Variants in DUSP3 observed in about 807,000 individuals in gnomAD.
DUSP3 encodes the protein dual specificity protein phosphatase 3.
Under a neutral mutation model 15.5 loss-of-function variants are expected in DUSP3, and 7 were observed. The ratio of observed to expected loss-of-function variants is 0.45; its 90% confidence interval spans 0.26 to 0.85. The LOEUF (loss-of-function observed/expected upper bound fraction) is 0.85. Among genes scored for constraint, DUSP3 ranks in the 40% least tolerant of loss-of-function variants. The pLI, the probability that DUSP3 is intolerant of heterozygous loss-of-function variation, is 0.18. For synonymous variants in DUSP3, 86 were observed against 104.2 expected (o/e 0.83, Z 1.07); for missense variants, 209 against 251.7 (o/e 0.83, Z 1.15).
At position 43,774,946 on chromosome 17, in the gene DUSP3, G is replaced by GGA; in HGVS notation, c.126-10_126-9dup. 1 of 1,614,088 alleles carries GGA rather than the reference G, an allele frequency of 6.2e-7. No homozygotes were observed. The highest frequency in any genetic ancestry group is 2.2e-5 in the East Asian group (1 of 44,882). ...ATGTCCTGAGCCACAGACCTGGACA[G>GGA]GAGACAGTGGTGGGGATGATTAACC... On this transcript the variant is annotated splice_polypyrimidine_tract_variant and intron_variant, in intron 1 of 2. Coordinates refer to ENST00000226004, the MANE Select transcript of DUSP3 (RefSeq NM_004090.4).
In DUSP3 at chr17:43,766,216, A is replaced by G. The variant is rs1004901957; in HGVS notation, c.*3393T>C. On this transcript the variant is annotated 3_prime_UTR_variant, in exon 3 of 3. Coordinates refer to ENST00000226004, the MANE Select transcript of DUSP3 (RefSeq NM_004090.4). ...GACATTAAACTTCCTTTTAAAAAGA[A>G]AAAAACAATTTGGTAGCTCTCCCTT... 3.9e-5 allele frequency: 6 copies of G among 152,590 alleles called. No individual in the cohort carries two copies. The highest frequency in any genetic ancestry group is 7.3e-5 in the Non-Finnish European group (5 of 68,044). 9.5% of individuals were successfully genotyped at this position (152,590 alleles called of 1,614,324 possible).
intron 1 of DUSP3, 106 bp from the exon 2 acceptor site, chr17:43,775,044 C>G: frequency 8.6e-7 from 1 of 1,156,646 alleles, no homozygotes; most frequent in Non-Finnish European, 1.3e-6. Context: ...GGAAACCCTC[C>G]ATGCTCTGGC....
intron 2 of DUSP3, among the ~76,000 whole-genome samples, chr17:43,770,423 C>CCCTG (rs1221598417): frequency 6.6e-6 from 1 of 152,084 alleles, no homozygotes. Context: ...TTTGGGAGGC[C>CCCTG]AAGGCAACTG....
intron 1 of DUSP3, chr17:43,777,409 A>G (rs1974402992): frequency 2.3e-6 from 1 of 434,782 alleles, no homozygotes; most frequent in Non-Finnish European, 4.6e-6. Flanking sequence ...AATGGATGAG[A>G]ACTGTCCCCA....
At chr17:43,771,030 GTA>G (rs759070367) in intron 2 of DUSP3, among the ~76,000 whole-genome samples, 187 of 144,994 alleles carry the variant, frequency 1.3e-3, no homozygotes, top group African/African-American at 3.9e-3. Context: ...GTATGTGTGT[GTA>G]TATATATATA....
At chr17:43,772,089 G>A (rs1974327887) in intron 2 of DUSP3, among the ~76,000 whole-genome samples, 1 of 151,724 alleles carries the variant, frequency 6.6e-6, no homozygotes. Context: ...TACACTATGT[G>A]CTCAATAAAT....
chr17:43,770,766 CT>C (rs1003834183), intron 2 of DUSP3, among the ~76,000 whole-genome samples: 11 of 149,802 alleles, frequency 7.3e-5, no homozygotes, highest in Non-Finnish European at 1.0e-4. Flanking sequence ...TGTTTTGTTT[CT>C]TTTTTTTTGA....
At position 43,769,506 on chromosome 17, in the gene DUSP3, T is replaced by G. The variant is rs200282384; in HGVS notation, c.*103A>C. The G allele has an allele frequency of 5.2e-6, 7 of 1,341,342 alleles. No individual in the cohort carries two copies. In the South Asian group the frequency reaches 6.3e-5, roughly 12 times the overall value. The allele number at this position is 1,341,342 out of a possible 1,614,324, so 83.1% of individuals were successfully genotyped here. A position where few individuals can be genotyped will look rare whatever the true frequency, so the allele number is the denominator to read the frequency against. On this transcript the variant is annotated 3_prime_UTR_variant, in exon 3 of 3. Transcript: ENST00000226004. ...ACACTTGTAGACAAGTGCCTTGTGA[T>G]GCTGGGAGCAGGGTACAGTGTGTTT...
chr17:43,777,060 C>T (rs988348083), intron 1 of DUSP3, among the ~76,000 whole-genome samples: 6 of 152,108 alleles, frequency 3.9e-5, no homozygotes, highest in African/African-American at 1.4e-4. Flanking sequence ...GTAACCTCCA[C>T]CTCCCGTGTT....
chr17:43,771,916 A>G (rs1974325301), intron 2 of DUSP3, among the ~76,000 whole-genome samples: 1 of 151,434 alleles, frequency 6.6e-6, no homozygotes, highest in African/African-American at 2.4e-5. Flanking sequence ...AAGCTGAGGC[A>G]GGAGAATCAC....
chr17:43,767,000 CTT>C lies in DUSP3; in HGVS notation c.*2607_*2608del. On this transcript the variant is annotated 3_prime_UTR_variant, in exon 3 of 3. Transcript: ENST00000226004. ...CATGTGTTGGCTCTTACACAAGAGA[CTT>C]TAATTTTACTTGAAGAACTAAGAGC... is the stretch of plus-strand genomic sequence containing the variant. 1 of 152,670 alleles carries C rather than the reference CTT, an allele frequency of 6.6e-6. No homozygotes were observed. Among genetic ancestry groups the C allele is most frequent in the East Asian group, 1.9e-4 (1 of 5,188 alleles). 9.5% of individuals were successfully genotyped at this position (152,670 alleles called of 1,614,324 possible).
At position 43,766,704 on chromosome 17, in the gene DUSP3, C is replaced by G. The variant is rs1383557130; in HGVS notation, c.*2905G>C. ...AGACCCCTCAGAGCCAAAAGGGGAC[C>G]TTAGAGGTCTTCTAGATGAGTCCCC... On this transcript the variant is annotated 3_prime_UTR_variant, in exon 3 of 3. Coordinates refer to ENST00000226004, the MANE Select transcript of DUSP3 (RefSeq NM_004090.4). 1 of 152,490 alleles carries G rather than the reference C, an allele frequency of 6.6e-6. No individual in the cohort carries two copies. Among genetic ancestry groups the G allele is most frequent in the Non-Finnish European group, 1.5e-5 (1 of 68,016 alleles). 9.4% of individuals were successfully genotyped at this position (152,490 alleles called of 1,614,324 possible). A position where few individuals can be genotyped will look rare whatever the true frequency, so the allele number is the denominator to read the frequency against.
chr17:43,775,912 A>T (rs930060582), intron 1 of DUSP3, among the ~76,000 whole-genome samples: 2 of 152,154 alleles, frequency 1.3e-5, no homozygotes, highest in African/African-American at 4.8e-5. Context: ...GGAGTTCGGG[A>T]CCAGCCTGGC....
Position 43,778,947 on chromosome 17 carries a change from C to G in DUSP3, c.-23G>C, listed in dbSNP as rs750867995. 5.2e-5 allele frequency: 74 copies of G among 1,419,440 alleles called. No homozygotes were observed. In the Admixed American group the frequency reaches 1.9e-3, roughly 36 times the overall value. 87.9% of individuals were successfully genotyped at this position (1,419,440 alleles called of 1,614,324 possible). On this transcript the variant is annotated 5_prime_UTR_variant, in exon 1 of 3. Coordinates refer to ENST00000226004, the MANE Select transcript of DUSP3 (RefSeq NM_004090.4). The stretch of plus-strand genomic sequence containing the variant: ...CATGGCGGCGGCGGGGCCCTGCACG[C>G]CCGGCAGGAGCAAGCGAGGCGGAGA...
At chr17:43,775,263 C>T (rs1001423211) in intron 1 of DUSP3, among the ~76,000 whole-genome samples, 1 of 152,148 alleles carries the variant, frequency 6.6e-6, no homozygotes, top group African/African-American at 2.4e-5. Flanking sequence ...TCCATTTGGC[C>T]CCATGCTCCC....
Position 43,768,831 on chromosome 17 carries a change from T to C in DUSP3, c.*778A>G, listed in dbSNP as rs1974274117. The C allele has an allele frequency of 6.6e-6, 1 of 150,918 alleles. No individual in the cohort carries two copies. Among genetic ancestry groups the C allele is most frequent in the Non-Finnish European group, 1.5e-5 (1 of 67,820 alleles). 9.3% of individuals were successfully genotyped at this position (150,918 alleles called of 1,614,324 possible). On this transcript the variant is annotated 3_prime_UTR_variant, in exon 3 of 3. Coordinates refer to ENST00000226004, the MANE Select transcript of DUSP3 (RefSeq NM_004090.4). ...AAAAAAAAAAAGCATGCCCAAGGCA[T>C]CACTCTTCTCAAAAACGAAGTGACT...
intron 2 of DUSP3, among the ~76,000 whole-genome samples, chr17:43,773,749 G>A (rs760509672): frequency 6.6e-6 from 1 of 152,090 alleles, no homozygotes; most frequent in Admixed American, 6.6e-5. Flanking sequence ...GACTGCTTGA[G>A]CCCAGGAGTT....
chr17:43,774,580 C>G, intron 2 of DUSP3, 132 bp downstream of exon 2: 1 of 999,966 alleles, frequency 1.0e-6, no homozygotes, highest in South Asian at 1.4e-5. Context: ...GAGAGACCTA[C>G]AGCTCTGTCG....
chr17:43,770,661 A>G (rs1974305320), intron 2 of DUSP3, among the ~76,000 whole-genome samples: 1 of 148,980 alleles, frequency 6.7e-6, no homozygotes, highest in Admixed American at 6.7e-5. Context: ...CTCTGTCTCA[A>G]AAAAAAAAAG....
Sources: gnomAD v4.1 joint callset for allele counts (sites outside exome capture counted in the v4.1 genomes callset) on GRCh38, gnomAD v4.1.1 for gene constraint, MANE v1.5 for transcripts, NCBI Gene and HGNC (gene_info 2026-07-23, HGNC 2026-07-21) for gene names.